Variants in GABBR2 observed in about 807,000 individuals in gnomAD.
The protein encoded by GABBR2 is G-protein coupled receptor 51.
In GABBR2, 23 loss-of-function variants were observed where a neutral mutation model predicts 105.6. The observed-to-expected ratio is 0.22, with a 90% CI of 0.16 to 0.31. The LOEUF (loss-of-function observed/expected upper bound fraction) is 0.31, where lower values mean the gene tolerates loss of function less well. Ranked by LOEUF, GABBR2 falls within the 10% of genes least tolerant of loss-of-function variation. The pLI, the probability that GABBR2 is intolerant of heterozygous loss-of-function variation, is 1.00. For synonymous variants in GABBR2, 478 were observed against 499.7 expected, an observed-to-expected ratio of 0.96 and a Z score of 0.58; for missense variants, 734 against 1,245.5, an observed-to-expected ratio of 0.59 and a Z score of 6.18.
intron 2 of GABBR2, among the ~76,000 whole-genome samples, chr9:98,555,008 TCTC>T (rs777902081): frequency 5.3e-5 from 8 of 152,156 alleles, no homozygotes; most frequent in Non-Finnish European, 1.2e-4. Context: ...GGAACTTCAG[TCTC>T]CTCCTCTGTA....
intron 4 of GABBR2, among the ~76,000 whole-genome samples, chr9:98,485,543 C>T (rs1023983291): frequency 6.6e-5 from 10 of 152,164 alleles, no homozygotes; most frequent in East Asian, 3.9e-4. Context: ...CACTCACGCA[C>T]GCACATGACA....
At chr9:98,586,150 C>T (rs969431829) in intron 1 of GABBR2, among the ~76,000 whole-genome samples, 2 of 151,996 alleles carry the variant, frequency 1.3e-5, no homozygotes, top group East Asian at 1.9e-4. Context: ...AATAGTAATG[C>T]GAACAGACAG....
intron 3 of GABBR2, among the ~76,000 whole-genome samples, chr9:98,523,780 T>G (rs146882694): frequency 2.0e-5 from 3 of 152,206 alleles, no homozygotes; most frequent in African/African-American, 7.2e-5. Flanking sequence ...CCAGAGTTGT[T>G]GGTCATTTTA....
chr9:98,348,464 G>C (rs1831336898), intron 13 of GABBR2, among the ~76,000 whole-genome samples: 1 of 152,118 alleles, frequency 6.6e-6, no homozygotes, highest in South Asian at 2.1e-4. Context: ...TTCTATTTCT[G>C]TGAAGAATGT....
chr9:98,476,113 C>A (rs1190447100), intron 5 of GABBR2, among the ~76,000 whole-genome samples: 2 of 152,022 alleles, frequency 1.3e-5, no homozygotes, highest in African/African-American at 4.8e-5. Context: ...TATGAAAAGG[C>A]CTTCTGATCA....
At chr9:98,563,237 T>TTGAGAGCACC (rs1279719784) in intron 2 of GABBR2, among the ~76,000 whole-genome samples, 1 of 152,044 alleles carries the variant, frequency 6.6e-6, no homozygotes, top group Non-Finnish European at 1.5e-5. Context: ...AAAACCAAAA[T>TTGAGAGCACC]GGAAACCAAA....
At chr9:98,681,764 T>TA (rs34330477) in intron 1 of GABBR2, among the ~76,000 whole-genome samples, 112,318 of 151,268 alleles carry the variant, frequency 0.74, 42,034 homozygotes, top group Middle Eastern at 0.85. Context: ...AAGAAAACAA[T>TA]AAAAAAAAGA....
Position 98,306,416 on chromosome 9 carries a change from G to T in GABBR2, c.2005-71C>A, listed in dbSNP as rs1830551791. 2.0e-6 allele frequency: 2 copies of T among 1,007,852 alleles called. No individual in the cohort carries two copies. The highest frequency in any genetic ancestry group is 5.0e-5 in the East Asian group (2 of 39,820). The allele number at this position is 1,007,852 out of a possible 1,614,324, so 62.4% of individuals were successfully genotyped here. On this transcript the variant is annotated intron_variant, in intron 14 of 18. Coordinates refer to ENST00000259455, the MANE Select transcript of GABBR2 (RefSeq NM_005458.8). This position sits in a 1 kb window ranked among gnomAD's most constrained non-coding sequence, Gnocchi z 5.4. ...TGGCACACACAGGCTGCTCTGAGAA[G>T]CTGTGGAGTGGAGGGTTACTCAGGA... is the stretch of plus-strand genomic sequence containing the variant.
rs1832104557 is a variant in GABBR2, at chr9:98,387,938, GC to G, written c.1529+915del. Among the ~76,000 whole-genome samples the G allele has an allele frequency of 5.3e-5, 8 of 152,290 alleles. No individual in the cohort carries two copies. The South Asian group carries it at 1.5e-3, about 28-fold the overall frequency. On this transcript the variant is annotated intron_variant, in intron 10 of 18. Transcript: ENST00000259455. Reference sequence around the variant, plus strand: ...TTCAGAATCAGACTTGTTCCCGACAGCCCACGAGTTCATGCAATGTGGCTTC... The same window carrying G: ...TTCAGAATCAGACTTGTTCCCGACAGCCACGAGTTCATGCAATGTGGCTTC...
chr9:98,396,612 C>T (rs1832296090), intron 8 of GABBR2, among the ~76,000 whole-genome samples: 2 of 152,240 alleles, frequency 1.3e-5, no homozygotes, highest in African/African-American at 4.8e-5. Context: ...TGCTGGGGGG[C>T]TCCAGCATCC....
chr9:98,588,432 GTAA>G (rs1166588022), intron 1 of GABBR2, among the ~76,000 whole-genome samples: 2 of 152,336 alleles, frequency 1.3e-5, no homozygotes, highest in Non-Finnish European at 1.5e-5. Flanking sequence ...AACAAGAATA[GTAA>G]TAATAATAAC....
At chr9:98,622,071 T>C (rs956602440) in intron 1 of GABBR2, among the ~76,000 whole-genome samples, 2 of 152,222 alleles carry the variant, frequency 1.3e-5, no homozygotes, top group Non-Finnish European at 2.9e-5. Flanking sequence ...ATTATAATTA[T>C]CAGAGCATCC....
intron 1 of GABBR2, among the ~76,000 whole-genome samples, chr9:98,682,362 CCAT>C (rs1241995266): frequency 1.5e-5 from 2 of 133,540 alleles, no homozygotes; most frequent in South Asian, 4.9e-4. Context: ...ATGGATTTTA[CCAT>C]CTTTTTTTTT....
chr9:98,448,578 G>A (rs770523196), intron 7 of GABBR2, among the ~76,000 whole-genome samples: 7 of 151,908 alleles, frequency 4.6e-5, no homozygotes, highest in South Asian at 2.1e-4. Context: ...CACCATGCCC[G>A]GCTAAATTTT....
intron 5 of GABBR2, among the ~76,000 whole-genome samples, chr9:98,475,303 C>T (rs575526445): frequency 3.3e-5 from 5 of 151,658 alleles, no homozygotes; most frequent in African/African-American, 4.8e-5. Flanking sequence ...AGGCAGTCTC[C>T]GGGGCTTCTC....
intron 1 of GABBR2, among the ~76,000 whole-genome samples, chr9:98,613,267 A>T (rs1829532269): frequency 6.6e-6 from 1 of 152,070 alleles, no homozygotes; most frequent in Admixed American, 6.6e-5. Context: ...AATGAGACCC[A>T]ATCTCTATAA....
intron 1 of GABBR2, among the ~76,000 whole-genome samples, chr9:98,699,865 G>A (rs1371596737): frequency 6.6e-6 from 1 of 152,158 alleles, no homozygotes; most frequent in Non-Finnish European, 1.5e-5. Flanking sequence ...GTTACATAAC[G>A]CTAGAGAAGA....
At chr9:98,625,169 C>A (rs959067772) in intron 1 of GABBR2, among the ~76,000 whole-genome samples, 1 of 151,528 alleles carries the variant, frequency 6.6e-6, no homozygotes, top group Admixed American at 6.5e-5. Context: ...TATAACCCAG[C>A]CCATGCCCCA....
chr9:98,637,445 T>C (rs1829895765), intron 1 of GABBR2, among the ~76,000 whole-genome samples: 1 of 152,174 alleles, frequency 6.6e-6, no homozygotes, highest in Non-Finnish European at 1.5e-5. Context: ...ACATCCTAAT[T>C]CCCAGAACTT....
Sources: allele counts gnomAD v4.1 joint callset (sites outside exome capture counted in the v4.1 genomes callset), GRCh38; gene constraint gnomAD v4.1.1; non-coding constraint Gnocchi (gnomAD v3.1); transcripts MANE v1.5; gene names NCBI Gene and HGNC (gene_info 2026-07-23, HGNC 2026-07-21).